Variants in CAST observed in about 807,000 individuals in gnomAD.
The protein encoded by CAST is MIR583 host.
In CAST, 76 loss-of-function variants were observed where a neutral mutation model predicts 119.6. The ratio of observed to expected loss-of-function variants is 0.64; its 90% confidence interval spans 0.53 to 0.77. CAST has a LOEUF of 0.77. CAST is among the 30% of genes least tolerant of loss of function. The pLI is 0.00. For missense variants in CAST, 953 were observed against 946.5 expected (o/e 1.01, Z -0.09); for synonymous variants, 319 against 331.6 (o/e 0.96, Z 0.41).
In CAST at chr5:96,765,454, G is replaced by T. The variant is rs546381884; in HGVS notation, c.2037+129G>T. 72 of 595,384 alleles carry T rather than the reference G, an allele frequency of 1.2e-4. No individual in the cohort carries two copies. In the South Asian group the frequency reaches 1.6e-3, roughly 13 times the overall value. The allele number at this position is 595,384 out of a possible 1,614,324, so 36.9% of individuals were successfully genotyped here. On this transcript the variant is annotated intron_variant, in intron 26 of 31. Coordinates refer to ENST00000675179, the MANE Select transcript of CAST (RefSeq NM_001750.7). ...TATATTTTAAACATGAAATTATAAT[G>T]AAATAGAAAAATCAATCTGTACTCC...
the CAST span, among the ~76,000 whole-genome samples, chr5:96,169,621 T>C: frequency 6.6e-6 from 1 of 152,032 alleles, no homozygotes; most frequent in African/African-American, 2.4e-5. Context: ...AAGCGTGCTG[T>C]GGGATGGGAT....
At chr5:96,035,085 A>G in the CAST span, among the ~76,000 whole-genome samples, 2 of 142,590 alleles carry the variant, frequency 1.4e-5, no homozygotes, top group Non-Finnish European at 3.0e-5. Context: ...ATATATATAT[A>G]TATTTAAGTA....
intron 1 of CAST, among the ~76,000 whole-genome samples, chr5:96,619,423 C>T (rs752161959): frequency 5.9e-5 from 9 of 152,164 alleles, no homozygotes; most frequent in Non-Finnish European, 1.2e-4. Flanking sequence ...ATGAACCAAT[C>T]AGCTGTCTGT....
At chr5:96,409,053 G>C in the CAST span, among the ~76,000 whole-genome samples, 2 of 152,202 alleles carry the variant, frequency 1.3e-5, no homozygotes, top group Non-Finnish European at 2.9e-5. Flanking sequence ...ACTTACCCGA[G>C]ATGTTCTCTG....
At chr5:96,452,640 T>TAAAAAAAAA in the CAST span, among the ~76,000 whole-genome samples, 129 of 90,098 alleles carry the variant, frequency 1.4e-3, 5 homozygotes, top group Admixed American at 8.0e-3. Flanking sequence ...TAAAGTATAA[T>TAAAAAAAAA]AAAAAAAAAA....
At chr5:96,246,274 C>T in the CAST span, among the ~76,000 whole-genome samples, 1 of 143,998 alleles carries the variant, frequency 6.9e-6, no homozygotes, top group South Asian at 2.3e-4. Flanking sequence ...GCTCCGCCTC[C>T]GGGGTTCAGG....
intron 1 of CAST, among the ~76,000 whole-genome samples, chr5:96,554,603 T>C (rs1032931441): frequency 1.3e-5 from 2 of 152,166 alleles, no homozygotes; most frequent in African/African-American, 4.8e-5. Context: ...GAAACTATCA[T>C]CAGAGTGAAC....
chr5:96,525,584 C>G (rs190437969), upstream of CAST, among the ~76,000 whole-genome samples: 112 of 152,274 alleles, frequency 7.4e-4, no homozygotes, highest in Non-Finnish European at 1.4e-3. Flanking sequence ...TATTTTCTTT[C>G]TCTCTCTACT....
At chr5:96,663,303 A>G (rs1580873179) in intron 1 of CAST, 1 of 687,330 alleles carries the variant, frequency 1.5e-6, no homozygotes, top group Middle Eastern at 2.3e-4. Flanking sequence ...ACCGGGTGCG[A>G]CCTCCTCGCA....
chr5:96,704,770 A>G (rs972798690), intron 3 of CAST, among the ~76,000 whole-genome samples: 10 of 152,366 alleles, frequency 6.6e-5, no homozygotes, highest in Middle Eastern at 3.4e-3. Context: ...ACATAGAATT[A>G]GCAATCTGCT....
the CAST span, among the ~76,000 whole-genome samples, chr5:96,342,528 C>A: frequency 6.6e-6 from 1 of 152,190 alleles, no homozygotes; most frequent in Admixed American, 6.5e-5. Context: ...CGCATTGCTG[C>A]CTGGCTTCTG....
At chr5:96,174,548 A>G in the CAST span, among the ~76,000 whole-genome samples, 1 of 152,216 alleles carries the variant, frequency 6.6e-6, no homozygotes, top group African/African-American at 2.4e-5. Flanking sequence ...TAATGTGCAG[A>G]CACAGATTAC....
chr5:96,156,221 G>T, the CAST span, among the ~76,000 whole-genome samples: 1 of 152,180 alleles, frequency 6.6e-6, no homozygotes, highest in Non-Finnish European at 1.5e-5. Context: ...ACAGTGACCT[G>T]ATTGGTTTGT....
At chr5:96,380,375 A>C in the CAST span, among the ~76,000 whole-genome samples, 1 of 152,218 alleles carries the variant, frequency 6.6e-6, no homozygotes, top group Admixed American at 6.5e-5. Flanking sequence ...TGGGTGATGA[A>C]ATGTGAAGTT....
intron 24 of CAST, among the ~76,000 whole-genome samples, chr5:96,758,802 C>T (rs1766968614): frequency 1.3e-5 from 2 of 152,166 alleles, no homozygotes; most frequent in African/African-American, 2.4e-5. Flanking sequence ...ATACAGACCA[C>T]ATCACAGCAA....
intron 1 of CAST, among the ~76,000 whole-genome samples, chr5:96,624,793 T>G (rs1229222370): frequency 1.3e-5 from 2 of 152,244 alleles, no homozygotes; most frequent in Non-Finnish European, 2.9e-5. Context: ...GGCATTACTA[T>G]GAACCAGCGC....
intron 1 of CAST, among the ~76,000 whole-genome samples, chr5:96,649,472 C>A (rs998760064): frequency 1.3e-5 from 2 of 152,192 alleles, no homozygotes; most frequent in Admixed American, 1.3e-4. Flanking sequence ...TTGTCATCTT[C>A]TCGTAAATAT....
At chr5:96,550,374 AC>A (rs1746105480) in intron 1 of CAST, among the ~76,000 whole-genome samples, 1 of 152,228 alleles carries the variant, frequency 6.6e-6, no homozygotes, top group Non-Finnish European at 1.5e-5. Context: ...ATCAACATCA[AC>A]AAAAAGGACA....
chr5:96,563,809 G>A (rs1404460240), intron 1 of CAST, among the ~76,000 whole-genome samples: 2 of 152,180 alleles, frequency 1.3e-5, no homozygotes, highest in African/African-American at 4.8e-5. Context: ...GTCTGGCAGA[G>A]GACATTGGTG....
Sources: allele counts gnomAD v4.1 joint callset (sites outside exome capture counted in the v4.1 genomes callset), GRCh38; gene constraint gnomAD v4.1.1; transcripts MANE v1.5; gene names NCBI Gene and HGNC (gene_info 2026-07-23, HGNC 2026-07-21).